CSMD1: variants seen among roughly 807,000 people sequenced by gnomAD.
The protein encoded by CSMD1 is CUB and Sushi multiple domains 1, also known as CUB and sushi domain-containing protein 1.
In CSMD1, 213 loss-of-function variants were observed where a neutral mutation model predicts 417.5. The observed-to-expected ratio is 0.51, with a 90% CI of 0.46 to 0.57. The LOEUF (loss-of-function observed/expected upper bound fraction) is 0.57, where lower values mean the gene tolerates loss of function less well. CSMD1 is among the 20% of genes least tolerant of loss of function. The pLI, the probability that CSMD1 is intolerant of heterozygous loss-of-function variation, is 0.00. For synonymous variants in CSMD1, 2,862 were observed against 1,736.8 expected (o/e 1.65, Z -16.11); for missense variants, 6,923 against 4,529.7 (o/e 1.53, Z -15.17).
At chr8:3,575,870 A>G (rs370371986) in intron 9 of CSMD1, among the ~76,000 whole-genome samples, 1 of 151,914 alleles carries the variant, frequency 6.6e-6, no homozygotes, top group Non-Finnish European at 1.5e-5. Context: ...ATCAATACAC[A>G]TATTTTAGAA....
At chr8:4,051,167 G>A (rs1490066660) in intron 3 of CSMD1, among the ~76,000 whole-genome samples, 1 of 151,822 alleles carries the variant, frequency 6.6e-6, no homozygotes, top group Non-Finnish European at 1.5e-5. Flanking sequence ...AAGCAGAAAT[G>A]GCAGCACAAT....
chr8:3,492,732 G>C (rs1045131032), intron 11 of CSMD1, among the ~76,000 whole-genome samples: 1 of 152,180 alleles, frequency 6.6e-6, no homozygotes, highest in Admixed American at 6.5e-5. Context: ...AAACTGAGAA[G>C]TGGGATCAGT....
intron 2 of CSMD1, among the ~76,000 whole-genome samples, chr8:4,427,043 A>G (rs1363114384): frequency 6.6e-6 from 1 of 152,066 alleles, no homozygotes; most frequent in Non-Finnish European, 1.5e-5. Context: ...ACTGGTGTAG[A>G]CGGAACAGCC....
intron 5 of CSMD1, among the ~76,000 whole-genome samples, chr8:3,800,965 C>A (rs1398382944): frequency 1.3e-5 from 2 of 151,740 alleles, no homozygotes; most frequent in African/African-American, 4.8e-5. Flanking sequence ...TATCACAACA[C>A]AAAACAGACT....
chr8:3,095,033 T>C (rs1371666494), intron 47 of CSMD1, among the ~76,000 whole-genome samples: 1 of 152,170 alleles, frequency 6.6e-6, no homozygotes, highest in East Asian at 1.9e-4. Context: ...ATAATGGCTA[T>C]GATCTGTCCA....
At chr8:2,939,237 T>C (rs1001252678) in intron 69 of CSMD1, among the ~76,000 whole-genome samples, 1 of 152,240 alleles carries the variant, frequency 6.6e-6, no homozygotes, top group Non-Finnish European at 1.5e-5. Flanking sequence ...ACACGAAACT[T>C]TCTACTACTC....
At chr8:3,268,235 A>G (rs1055373241) in intron 26 of CSMD1, among the ~76,000 whole-genome samples, 12 of 141,224 alleles carry the variant, frequency 8.5e-5, no homozygotes, top group Admixed American at 5.1e-4. Context: ...CATGCACACA[A>G]TGAGGCCAGG....
At chr8:4,730,568 G>A (rs182466113) in intron 1 of CSMD1, among the ~76,000 whole-genome samples, 5 of 151,980 alleles carry the variant, frequency 3.3e-5, no homozygotes, top group East Asian at 2.0e-4. Flanking sequence ...GTGAAACTCC[G>A]TCTCTACTAA....
At chr8:4,143,528 ATATCAAAT>A (rs1318711723) in intron 3 of CSMD1, among the ~76,000 whole-genome samples, 1 of 151,026 alleles carries the variant, frequency 6.6e-6, no homozygotes, top group Non-Finnish European at 1.5e-5. Context: ...TATTAAGTTT[ATATCAAAT>A]CTATATTGTA....
At chr8:4,030,584 C>A (rs898758029) in intron 4 of CSMD1, among the ~76,000 whole-genome samples, 3 of 152,172 alleles carry the variant, frequency 2.0e-5, no homozygotes, top group Non-Finnish European at 2.9e-5. Flanking sequence ...TTCTCCTAGA[C>A]CTCCAGGCCT....
chr8:3,681,882 T>G (rs990352267), intron 7 of CSMD1, among the ~76,000 whole-genome samples: 1 of 151,996 alleles, frequency 6.6e-6, no homozygotes, highest in East Asian at 1.9e-4. Context: ...TCAGAAATAA[T>G]ACCACACATC....
rs1315382541 is a variant in CSMD1, at chr8:4,137,354, G to C, written c.416-105255C>G. Among the ~76,000 whole-genome samples, 3 of 134,494 alleles carry C rather than the reference G, an allele frequency of 2.2e-5. 1 individual carries two copies. Among genetic ancestry groups the C allele is most frequent in the Non-Finnish European group, 5.2e-5 (3 of 57,434 alleles). 88.2% of individuals were successfully genotyped at this position (134,494 alleles called of 152,430 possible). ...CAGGCTAACTCAGACATGTTGAATA[G>C]AGAATGCAAACTTCTTATGCTAAAT... On this transcript the variant is annotated intron_variant, in intron 3 of 69. Transcript: ENST00000635120.
intron 11 of CSMD1, among the ~76,000 whole-genome samples, chr8:3,486,658 T>G (rs1006559865): frequency 2.6e-5 from 4 of 152,230 alleles, no homozygotes; most frequent in African/African-American, 7.2e-5. Flanking sequence ...CCACCTTATT[T>G]GCAGCAGCAG....
At chr8:3,758,537 C>G (rs1797803050) in intron 5 of CSMD1, among the ~76,000 whole-genome samples, 1 of 152,160 alleles carries the variant, frequency 6.6e-6, no homozygotes. Flanking sequence ...TAGCTCTCAT[C>G]TGACACAAAG....
chr8:3,904,524 G>A (rs552597049), intron 5 of CSMD1, among the ~76,000 whole-genome samples: 1 of 152,124 alleles, frequency 6.6e-6, no homozygotes, highest in South Asian at 2.1e-4. Flanking sequence ...CTAAGAAACT[G>A]ACAGGTGATA....
At chr8:4,349,627 T>C (rs1800971152) in intron 3 of CSMD1, among the ~76,000 whole-genome samples, 1 of 152,158 alleles carries the variant, frequency 6.6e-6, no homozygotes, top group African/African-American at 2.4e-5. Flanking sequence ...TCCCTGAAAT[T>C]TCACAATTGC....
intron 1 of CSMD1, among the ~76,000 whole-genome samples, chr8:4,700,502 A>G (rs1344357308): frequency 1.3e-5 from 2 of 152,162 alleles, no homozygotes; most frequent in Non-Finnish European, 2.9e-5. Flanking sequence ...AAAACTATGC[A>G]TGTTACAATG....
At chr8:4,719,876 T>C (rs1169916247) in intron 1 of CSMD1, among the ~76,000 whole-genome samples, 1 of 152,166 alleles carries the variant, frequency 6.6e-6, no homozygotes, top group Non-Finnish European at 1.5e-5. Flanking sequence ...GGACTCCCTA[T>C]GCAGGGCTCA....
At chr8:4,040,909 G>A (rs892707792) in intron 3 of CSMD1, among the ~76,000 whole-genome samples, 6 of 151,744 alleles carry the variant, frequency 4.0e-5, no homozygotes, top group Non-Finnish European at 7.4e-5. Flanking sequence ...GAAGCATCAT[G>A]AATATTTGCT....
Sources: gnomAD v4.1 joint callset for allele counts (sites outside exome capture counted in the v4.1 genomes callset) on GRCh38, gnomAD v4.1.1 for gene constraint, MANE v1.5 for transcripts, NCBI Gene and HGNC (gene_info 2026-07-23, HGNC 2026-07-21) for gene names.